WNT7B: variants seen among roughly 807,000 people sequenced by gnomAD.
WNT7B encodes the protein protein Wnt-7b.
Under a neutral mutation model 38.2 loss-of-function variants are expected in WNT7B, and 19 were observed. The observed-to-expected ratio is 0.50, with a 90% confidence interval of 0.35 to 0.73. The LOEUF (loss-of-function observed/expected upper bound fraction) is 0.73, where lower values mean the gene tolerates loss of function less well. WNT7B is among the 30% of genes least tolerant of loss of function. The pLI, the probability that WNT7B is intolerant of heterozygous loss-of-function variation, is 0.01. For synonymous variants in WNT7B, 243 were observed against 209.3 expected (o/e 1.16, Z -1.39); for missense variants, 423 against 507.9 (o/e 0.83, Z 1.61).
chr22:45,925,541 C>T, intron 3 of WNT7B: 2 of 985,268 alleles, frequency 2.0e-6, no homozygotes, highest in Non-Finnish European at 2.4e-6. Flanking sequence ...TGGGCGACCC[C>T]CAGAGAGTAT....
chr22:45,939,930 C>A (rs1032257315), intron 2 of WNT7B, among the ~76,000 whole-genome samples: 1 of 152,170 alleles, frequency 6.6e-6, no homozygotes. Context: ...CCCAGAGGAG[C>A]AGGAGTTGGA....
At chr22:45,970,907 G>A (rs889848133) in intron 1 of WNT7B, among the ~76,000 whole-genome samples, 7 of 152,262 alleles carry the variant, frequency 4.6e-5, no homozygotes, top group Non-Finnish European at 7.3e-5. Flanking sequence ...TCCGCAGCCG[G>A]GGCTGCCCGC....
At chr22:45,972,116 G>GGGGCCCCCC in intron 1 of WNT7B, 11 of 530,732 alleles carry the variant, frequency 2.1e-5, no homozygotes, top group Admixed American at 4.1e-5. Context: ...CCCGGGGGGA[G>GGGGCCCCCC]CCCACCCGCC....
At position 45,927,193 on chromosome 22, in the gene WNT7B, G is replaced by C. The variant is rs1003113862; in HGVS notation, c.571-3858C>G. 1.5e-5 allele frequency: 15 copies of C among 985,292 alleles called. No homozygotes were observed. The South Asian group carries it at 6.1e-4, about 40-fold the overall frequency. 61.0% of individuals were successfully genotyped at this position (985,292 alleles called of 1,614,324 possible). A position where few individuals can be genotyped will look rare whatever the true frequency, so the allele number is the denominator to read the frequency against. On this transcript the variant is annotated intron_variant, in intron 3 of 3. Transcript: ENST00000339464. ...TAGCAGTGGGGACCATGTGCCAGGG[G>C]CAGAGCTGGGGGCCGGGCACTGGGC...
At chr22:45,969,251 A>G (rs1932379020) in intron 1 of WNT7B, among the ~76,000 whole-genome samples, 1 of 152,188 alleles carries the variant, frequency 6.6e-6, no homozygotes, top group South Asian at 2.1e-4. Context: ...CCGCCCCGTC[A>G]CCCATGACTC....
At chr22:45,928,075 G>A (rs1346242049) in intron 3 of WNT7B, among the ~76,000 whole-genome samples, 2 of 152,166 alleles carry the variant, frequency 1.3e-5, no homozygotes, top group African/African-American at 2.4e-5. Flanking sequence ...CCAGCACCTC[G>A]ATTTTGGACT....
intron 3 of WNT7B, chr22:45,926,571 C>T (rs768498084): frequency 8.4e-4 from 828 of 985,248 alleles, no homozygotes; most frequent in Non-Finnish European, 9.5e-4. Context: ...GCCTGGCGTC[C>T]GATATTCCGG....
chr22:45,937,120 G>A (rs1173167475), intron 2 of WNT7B, among the ~76,000 whole-genome samples: 4 of 152,204 alleles, frequency 2.6e-5, no homozygotes, highest in African/African-American at 9.6e-5. Flanking sequence ...GGCCCTTGGG[G>A]ACCATCCAGT....
intron 1 of WNT7B, among the ~76,000 whole-genome samples, chr22:45,968,832 G>A (rs1335836986): frequency 2.0e-5 from 3 of 152,194 alleles, no homozygotes; most frequent in Non-Finnish European, 4.4e-5. Context: ...ACTTTCAAGT[G>A]CCAACTACAC....
intron 1 of WNT7B, among the ~76,000 whole-genome samples, chr22:45,956,315 G>A (rs1932060165): frequency 6.6e-6 from 1 of 152,212 alleles, no homozygotes; most frequent in Non-Finnish European, 1.5e-5. Flanking sequence ...CGGGCCGCTG[G>A]CCTGCAGTGA....
chr22:45,925,281 C>A, intron 3 of WNT7B: 4 of 985,336 alleles, frequency 4.1e-6, no homozygotes, highest in Non-Finnish European at 4.8e-6. Context: ...CGGGTGGGCC[C>A]TAGGCTGGCA....
Position 45,948,290 on chromosome 22 carries a change from C to G in WNT7B, c.298+1630G>C, listed in dbSNP as rs1163977328. Among the ~76,000 whole-genome samples the G allele has an allele frequency of 2.0e-5, 3 of 152,220 alleles. No homozygotes were observed. In the East Asian group the frequency reaches 5.8e-4, roughly 29 times the overall value. ...TCCCCACTGGGGTGGATGGGCAGCC[C>G]TGCCTGCCACAGCTGGCACCTGGAG... is the stretch of plus-strand genomic sequence containing the variant. On this transcript the variant is annotated intron_variant, in intron 2 of 3. Transcript: ENST00000339464.
At chr22:45,956,757 C>T (rs190865842) in intron 1 of WNT7B, among the ~76,000 whole-genome samples, 13 of 152,242 alleles carry the variant, frequency 8.5e-5, no homozygotes, top group Non-Finnish European at 1.5e-4. Context: ...ATGGGCCTCA[C>T]AGACATCATG....
At chr22:45,931,721 C>T (rs1931367195) in intron 2 of WNT7B, among the ~76,000 whole-genome samples, 1 of 152,194 alleles carries the variant, frequency 6.6e-6, no homozygotes, top group South Asian at 2.1e-4. Context: ...TTCTCCAGCC[C>T]TGAGAGTGAC....
Position 45,975,331 on chromosome 22 carries a change from C to A in WNT7B, c.71+1353G>T, listed in dbSNP as rs978777688. On this transcript the variant is annotated intron_variant, in intron 1 of 3. Transcript: ENST00000339464. This position sits in a 1 kb window ranked among gnomAD's most constrained non-coding sequence, Gnocchi z 6.6. ...AAAGAGCAGCCTGCCCACTCCACCC[C>A]CCGCCCAGCAGGCTCAATGCCCCGC... Among the ~76,000 whole-genome samples, 12 of 152,130 alleles carry A rather than the reference C, an allele frequency of 7.9e-5. No homozygotes were observed. The highest frequency in any genetic ancestry group is 1.6e-4 in the Non-Finnish European group (11 of 68,004).
chr22:45,938,782 C>T (rs1196721032), intron 2 of WNT7B, among the ~76,000 whole-genome samples: 1 of 152,150 alleles, frequency 6.6e-6, no homozygotes, highest in Non-Finnish European at 1.5e-5. Flanking sequence ...GTTCCCAACA[C>T]ATAGAAATGA....
intron 3 of WNT7B, chr22:45,925,879 A>T (rs1931067002): frequency 1.0e-6 from 1 of 985,252 alleles, no homozygotes; most frequent in Admixed American, 6.1e-5. Flanking sequence ...GAGGGTGTGC[A>T]GGCCACGTGG....
At chr22:45,932,408 C>T (rs563754466) in intron 2 of WNT7B, among the ~76,000 whole-genome samples, 2 of 146,144 alleles carry the variant, frequency 1.4e-5, no homozygotes, top group African/African-American at 5.3e-5. Context: ...TCCAGGCAGC[C>T]TTCCCAGACC....
chr22:45,958,866 G>C (rs1425308083), intron 1 of WNT7B, among the ~76,000 whole-genome samples: 1 of 152,198 alleles, frequency 6.6e-6, no homozygotes, highest in Non-Finnish European at 1.5e-5. Context: ...GGCTGCATCT[G>C]GGGCCAGGCT....
Sources: gnomAD v4.1 joint callset for allele counts (sites outside exome capture counted in the v4.1 genomes callset) on GRCh38, gnomAD v4.1.1 for gene constraint, Gnocchi (gnomAD v3.1) non-coding constraint, MANE v1.5 for transcripts, NCBI Gene and HGNC (gene_info 2026-07-23, HGNC 2026-07-21) for gene names.